The following AK3 variants were observed in gnomAD, a reference collection of about 807,000 sequenced individuals.
The protein encoded by AK3 is adenylate kinase 3.
In AK3, 27 loss-of-function variants were observed where a neutral mutation model predicts 23.7. The observed-to-expected ratio is 1.14, with a 90% CI of 0.84 to 1.57. The LOEUF (loss-of-function observed/expected upper bound fraction) is 1.57, where lower values mean the gene tolerates loss of function less well. AK3 is among the 40% of genes most tolerant of loss of function. AK3 has a pLI of 0.00. For synonymous variants in AK3, 159 were observed against 116.0 expected, an observed-to-expected ratio of 1.37 and a Z score of -2.38; for missense variants, 406 against 285.6, an observed-to-expected ratio of 1.42 and a Z score of -3.04.
intron 1 of AK3, among the ~76,000 whole-genome samples, chr9:4,732,521 CAA>C (rs1207588931): frequency 6.6e-6 from 1 of 151,966 alleles, no homozygotes; most frequent in African/African-American, 2.4e-5. Context: ...GGCACTTCCA[CAA>C]AACACAAAAG....
Position 4,722,621 on chromosome 9 carries a change from A to G in AK3, c.156T>C (p.Ile52=), listed in dbSNP as rs1271367290. ...CAATGAAAGCCTTGGCTAACACGCC[A>G]ATTTCTACAGCAAAGCGGGGAAAAA... ...LRDNMLRGTE[I]GVLAKAFIDQ... is the part of the protein sequence containing the mutation. Residue 52 remains isoleucine (I), a synonymous_variant, in exon 2 of 5, where the codon ATT becomes ATC. Transcript: ENST00000381809. 5.6e-6 allele frequency: 9 copies of G among 1,614,046 alleles called. No homozygotes were observed. Among genetic ancestry groups the G allele is most frequent in the Non-Finnish European group, 7.6e-6 (9 of 1,180,026 alleles).
chr9:4,736,840 G>A (rs1842305699), intron 1 of AK3, among the ~76,000 whole-genome samples: 1 of 152,088 alleles, frequency 6.6e-6, no homozygotes, highest in Non-Finnish European at 1.5e-5. Context: ...ACCACATCCA[G>A]CTAATGTTTT....
At chr9:4,713,407 C>A (rs1841615316) in intron 4 of AK3, among the ~76,000 whole-genome samples, 1 of 152,164 alleles carries the variant, frequency 6.6e-6, no homozygotes, top group Non-Finnish European at 1.5e-5. Context: ...TTTGTTTAAT[C>A]CTTTCCAAAG....
chr9:4,720,020 A>G (rs1034876242), intron 2 of AK3, among the ~76,000 whole-genome samples: 1 of 152,110 alleles, frequency 6.6e-6, no homozygotes, highest in Admixed American at 6.5e-5. Context: ...CCAAAATTCT[A>G]CACCAGTGCA....
At chr9:4,741,244 G>A, upstream of AK3, 2 of 800,134 alleles carry the variant, frequency 2.5e-6, no homozygotes, top group East Asian at 3.4e-5. Flanking sequence ...ACAGCCCCTG[G>A]GGCCGCCCAG....
At chr9:4,727,881 G>A (rs1025074096) in intron 1 of AK3, among the ~76,000 whole-genome samples, 1 of 152,138 alleles carries the variant, frequency 6.6e-6, no homozygotes, top group East Asian at 1.9e-4. Context: ...AGGGTTATTA[G>A]TTGGCCTAAT....
At chr9:4,718,614 T>A in intron 3 of AK3, 77 bp from the exon 4 acceptor site, 2 of 1,150,588 alleles carry the variant, frequency 1.7e-6, no homozygotes, top group Non-Finnish European at 2.5e-6. Context: ...CAATTATTTT[T>A]AAACAGACAT....
rs528678312 is a variant in AK3, at chr9:4,709,728, A to T, written c.*3248T>A. Reference sequence around the variant, plus strand: ...GCTACACTATTTTAACTGTTTAAAAATTTTTTAACCATAACTTCCAAGATG... The same window carrying T: ...GCTACACTATTTTAACTGTTTAAAATTTTTTTAACCATAACTTCCAAGATG... On this transcript the variant is annotated 3_prime_UTR_variant, in exon 5 of 5. Transcript: ENST00000381809. 2 of 152,340 alleles carry T rather than the reference A, an allele frequency of 1.3e-5. No individual in the cohort carries two copies. Among genetic ancestry groups the T allele is most frequent in the East Asian group, 1.9e-4 (1 of 5,192 alleles). The allele number at this position is 152,340 out of a possible 1,614,324, so 9.4% of individuals were successfully genotyped here.
intron 2 of AK3, among the ~76,000 whole-genome samples, 171 bp from the exon 3 acceptor site, chr9:4,719,478 G>A (rs142739851): frequency 1.3e-5 from 2 of 152,284 alleles, no homozygotes; most frequent in South Asian, 2.1e-4. Context: ...CAACTGTGAT[G>A]GTTACCTGTC....
chr9:4,727,461 C>T (rs1842045854), intron 1 of AK3, among the ~76,000 whole-genome samples: 2 of 152,208 alleles, frequency 1.3e-5, no homozygotes, highest in South Asian at 4.1e-4. Flanking sequence ...TTTCCTTAAA[C>T]CTCATGAACC....
At position 4,713,003 on chromosome 9, in the gene AK3, T is replaced by C; in HGVS notation, c.657A>G (p.Arg219=). Residue 219 remains arginine (R), a synonymous_variant, in exon 5 of 5, where the codon AGA becomes AGG. Coordinates refer to ENST00000381809, the MANE Select transcript of AK3 (RefSeq NM_016282.4). ...ATGGAGTAACTGAAGCTTTCTGGCT[T>C]CTTTGTGGAACTTTAGTTTGTAGGA... ...YAFLQTKVPQ[R]SQKASVTP 2 of 1,613,706 alleles carry C rather than the reference T, an allele frequency of 1.2e-6. No individual in the cohort carries two copies. The highest frequency in any genetic ancestry group is 1.7e-6 in the Non-Finnish European group (2 of 1,179,728).
chr9:4,725,288 A>G (rs1298759083), intron 1 of AK3, among the ~76,000 whole-genome samples: 2 of 151,070 alleles, frequency 1.3e-5, no homozygotes, highest in Non-Finnish European at 3.0e-5. Context: ...AAGTGCTGGG[A>G]TTACAGGTGT....
intron 1 of AK3, among the ~76,000 whole-genome samples, chr9:4,724,928 G>C (rs749826762): frequency 1.3e-5 from 2 of 151,616 alleles, no homozygotes; most frequent in South Asian, 2.1e-4. Flanking sequence ...TAAATATCCA[G>C]ATGAAAAGGA....
intron 2 of AK3, among the ~76,000 whole-genome samples, chr9:4,719,824 G>C (rs1841844889): frequency 6.6e-6 from 1 of 152,170 alleles, no homozygotes; most frequent in Non-Finnish European, 1.5e-5. Flanking sequence ...CCAGCATTTT[G>C]GGAGGCTGAG....
In AK3 at chr9:4,712,795, T is replaced by C; in HGVS notation, c.*181A>G. On this transcript the variant is annotated 3_prime_UTR_variant, in exon 5 of 5. Coordinates refer to ENST00000381809, the MANE Select transcript of AK3 (RefSeq NM_016282.4). ...CAACACACTAGATGATTTCAAACGA[T>C]GCATCTTAGTATCCGAATCATTTGG... The C allele has an allele frequency of 1.6e-6, 1 of 610,288 alleles. No individual in the cohort carries two copies. The highest frequency in any genetic ancestry group is 2.6e-6 in the Non-Finnish European group (1 of 382,068). 37.8% of individuals were successfully genotyped at this position (610,288 alleles called of 1,614,324 possible).
chr9:4,734,579 T>A (rs1041429593), intron 1 of AK3, among the ~76,000 whole-genome samples: 3 of 152,232 alleles, frequency 2.0e-5, no homozygotes, highest in Admixed American at 6.5e-5. Context: ...ATTCTAGCCA[T>A]GGAATTTTAA....
upstream of AK3, among the ~76,000 whole-genome samples, chr9:4,741,473 C>T (rs1324495658): frequency 3.3e-5 from 5 of 151,928 alleles, no homozygotes; most frequent in African/African-American, 1.2e-4. Context: ...CCCACCCCCA[C>T]GCGCCCTCCA....
intron 1 of AK3, among the ~76,000 whole-genome samples, chr9:4,723,373 A>C (rs1472316985): frequency 1.3e-5 from 2 of 152,204 alleles, no homozygotes; most frequent in Non-Finnish European, 1.5e-5. Flanking sequence ...ATGTTATTGG[A>C]GAGACTTTTC....
chr9:4,734,557 G>T (rs1842226717), intron 1 of AK3, among the ~76,000 whole-genome samples: 1 of 152,096 alleles, frequency 6.6e-6, no homozygotes, highest in Non-Finnish European at 1.5e-5. Context: ...CAAGCTCCCT[G>T]GATTCTACTA....
Sources: allele counts gnomAD v4.1 joint callset (sites outside exome capture counted in the v4.1 genomes callset), GRCh38; gene constraint gnomAD v4.1.1; transcripts MANE v1.5; gene names NCBI Gene and HGNC (gene_info 2026-07-23, HGNC 2026-07-21).